The following CDKAL1 variants were observed in gnomAD, a reference collection of about 807,000 sequenced individuals.
The protein encoded by CDKAL1 is CDKAL1 threonylcarbamoyladenosine tRNA methylthiotransferase, also known as threonylcarbamoyladenosine tRNA methylthiotransferase.
A neutral mutation model predicts 68.2 loss-of-function variants in CDKAL1; 32 were observed. The observed-to-expected ratio is 0.47, with a 90% CI of 0.35 to 0.63. The LOEUF is 0.63. CDKAL1 is among the 30% of genes least tolerant of loss of function. The pLI, the probability that CDKAL1 is intolerant of heterozygous loss-of-function variation, is 0.00. For missense variants in CDKAL1, 606 were observed against 696.7 expected (o/e 0.87, Z 1.47); for synonymous variants, 234 against 244.3 (o/e 0.96, Z 0.39).
chr6:20,933,951 G>A (rs573643465), intron 9 of CDKAL1, among the ~76,000 whole-genome samples: 1 of 150,610 alleles, frequency 6.6e-6, no homozygotes, highest in Non-Finnish European at 1.5e-5. Context: ...ATAGTAAAAG[G>A]TTATGTTATT....
At chr6:21,108,594 G>T in intron 13 of CDKAL1, 131 bp downstream of exon 13, 2 of 557,008 alleles carry the variant, frequency 3.6e-6, no homozygotes. Flanking sequence ...AAATTTTTTA[G>T]CTCTTTATCC....
At chr6:20,733,158 G>A (rs9465873) in intron 5 of CDKAL1, among the ~76,000 whole-genome samples, 88,652 of 151,916 alleles carry the variant, frequency 0.58, 26,172 homozygotes, top group Middle Eastern at 0.67. Context: ...CCTGCATAAC[G>A]TTGGTATCCT....
At chr6:20,833,612 A>C (rs1210587518) in intron 8 of CDKAL1, among the ~76,000 whole-genome samples, 2 of 152,296 alleles carry the variant, frequency 1.3e-5, no homozygotes, top group East Asian at 3.9e-4. Flanking sequence ...AGGATGATGC[A>C]ATGAAAAAAT....
intron 9 of CDKAL1, among the ~76,000 whole-genome samples, chr6:20,928,685 C>CTTTTTT (rs55795720): frequency 8.3e-6 from 1 of 120,188 alleles, no homozygotes; most frequent in Non-Finnish European, 1.7e-5. Context: ...TTACAATATT[C>CTTTTTT]TTTTTTTTTT....
intron 8 of CDKAL1, among the ~76,000 whole-genome samples, chr6:20,838,885 G>C (rs1225823343): frequency 1.3e-5 from 2 of 151,636 alleles, no homozygotes; most frequent in Admixed American, 6.6e-5. Flanking sequence ...TGAGGCAGGA[G>C]AATGGTGTGA....
intron 15 of CDKAL1, among the ~76,000 whole-genome samples, chr6:21,229,746 C>T (rs1779885025): frequency 6.6e-6 from 1 of 152,172 alleles, no homozygotes; most frequent in African/African-American, 2.4e-5. Context: ...CAGGTTTCAA[C>T]AGGGGAGTCC....
intron 4 of CDKAL1, among the ~76,000 whole-genome samples, chr6:20,572,834 C>T (rs1764758866): frequency 6.6e-6 from 1 of 151,696 alleles, no homozygotes; most frequent in Non-Finnish European, 1.5e-5. Context: ...TTTATTTCTG[C>T]TCAAATGATC....
At chr6:20,570,060 A>G (rs1764634687) in intron 4 of CDKAL1, among the ~76,000 whole-genome samples, 2 of 152,080 alleles carry the variant, frequency 1.3e-5, no homozygotes, top group South Asian at 4.1e-4. Context: ...ATATTTGACT[A>G]CAGCGAAAGC....
chr6:20,822,685 A>C (rs149480213), intron 8 of CDKAL1, among the ~76,000 whole-genome samples: 1,663 of 152,172 alleles, frequency 0.011, 34 homozygotes, highest in African/African-American at 0.038. Context: ...TGTTCTCATG[A>C]TAGTGAGTGA....
At chr6:20,860,219 A>T (rs1466361845) in intron 9 of CDKAL1, among the ~76,000 whole-genome samples, 1 of 152,062 alleles carries the variant, frequency 6.6e-6, no homozygotes, top group Non-Finnish European at 1.5e-5. Flanking sequence ...CTGGGATTAC[A>T]GGTGCCTGCC....
chr6:20,615,058 C>T (rs1309703059), intron 4 of CDKAL1, among the ~76,000 whole-genome samples: 1 of 134,232 alleles, frequency 7.4e-6, no homozygotes, highest in Non-Finnish European at 1.6e-5. Context: ...CGATAGTTTA[C>T]TGAGAATGAT....
chr6:21,057,322 G>C (rs980429872), intron 11 of CDKAL1, among the ~76,000 whole-genome samples: 6 of 152,038 alleles, frequency 3.9e-5, no homozygotes, highest in Non-Finnish European at 7.4e-5. Flanking sequence ...GGTGTTTATA[G>C]TATTCTCTGA....
At chr6:20,776,883 A>G (rs1462224324) in intron 7 of CDKAL1, among the ~76,000 whole-genome samples, 3 of 152,216 alleles carry the variant, frequency 2.0e-5, no homozygotes, top group African/African-American at 7.2e-5. Context: ...GGTTGCAACT[A>G]GGGCAAAACA....
intron 8 of CDKAL1, among the ~76,000 whole-genome samples, chr6:20,824,293 T>C (rs1018221616): frequency 2.0e-5 from 3 of 152,164 alleles, no homozygotes; most frequent in Non-Finnish European, 4.4e-5. Flanking sequence ...ATTAGTTATC[T>C]ATTGCTGTAT....
chr6:20,771,732 G>A (rs977815763), intron 7 of CDKAL1, among the ~76,000 whole-genome samples: 2 of 152,094 alleles, frequency 1.3e-5, no homozygotes, highest in African/African-American at 4.8e-5. Flanking sequence ...ATTCTCATGT[G>A]AGTTGGTTGT....
intron 13 of CDKAL1, among the ~76,000 whole-genome samples, chr6:21,176,021 G>C (rs549523998): frequency 4.6e-5 from 7 of 152,366 alleles, no homozygotes; most frequent in South Asian, 2.1e-4. Flanking sequence ...GTGGGCAAGA[G>C]ACTTAATGCC....
rs575726027 is a variant in CDKAL1 at position 21,220,361 on chromosome 6, C to T, written c.1549-10487C>T. On this transcript the variant is annotated intron_variant, in intron 15 of 15. Coordinates refer to ENST00000274695, the MANE Select transcript of CDKAL1 (RefSeq NM_017774.3). ...AACTAACTTGTGTTTTCCTTATGTG[C>T]AGTTACTAAGAGAACCTTTTCTACG... Among the ~76,000 whole-genome samples, 58 of 152,240 alleles carry T rather than the reference C, an allele frequency of 3.8e-4. No homozygotes were observed. In the Middle Eastern group the frequency reaches 0.01, roughly 27 times the overall value.
intron 15 of CDKAL1, among the ~76,000 whole-genome samples, chr6:21,205,983 C>T (rs1158792763): frequency 4.0e-5 from 6 of 150,740 alleles, no homozygotes; most frequent in African/African-American, 7.4e-5. Flanking sequence ...TACAGGCACC[C>T]GCCACCGCGC....
chr6:21,072,888 A>T (rs991661164), intron 12 of CDKAL1, among the ~76,000 whole-genome samples: 1 of 152,158 alleles, frequency 6.6e-6, no homozygotes, highest in African/African-American at 2.4e-5. Flanking sequence ...GGTGGTATAC[A>T]TTATATGGGT....
Sources: gnomAD v4.1 joint callset for allele counts (sites outside exome capture counted in the v4.1 genomes callset) on GRCh38, gnomAD v4.1.1 for gene constraint, MANE v1.5 for transcripts, NCBI Gene and HGNC (gene_info 2026-07-23, HGNC 2026-07-21) for gene names.